The following SLC44A1 variants were observed in gnomAD, a reference collection of about 807,000 sequenced individuals.
The protein encoded by SLC44A1 is solute carrier family 44 member 1, also known as choline transporter-like protein 1.
In SLC44A1, 26 loss-of-function variants were observed where a neutral mutation model predicts 79.3. The ratio of observed to expected loss-of-function variants is 0.33; its 90% CI spans 0.24 to 0.46. The LOEUF (loss-of-function observed/expected upper bound fraction) is 0.46. Among genes scored for constraint, SLC44A1 ranks in the 20% least tolerant of loss-of-function variants. The pLI is 1.00. For missense variants in SLC44A1, 688 were observed against 798.1 expected (o/e 0.86, Z 1.66); for synonymous variants, 263 against 286.2 (o/e 0.92, Z 0.82).
At chr9:105,343,099 ATTC>A (rs1205314252) in intron 4 of SLC44A1, among the ~76,000 whole-genome samples, 1 of 152,088 alleles carries the variant, frequency 6.6e-6, no homozygotes, top group Non-Finnish European at 1.5e-5. Flanking sequence ...CGTTTCCATT[ATTC>A]TTATCAAAGT....
chr9:105,247,204 C>T (rs562635165), intron 1 of SLC44A1, among the ~76,000 whole-genome samples: 45 of 152,144 alleles, frequency 3.0e-4, no homozygotes, highest in African/African-American at 1.0e-3. Flanking sequence ...TTTTAGAATA[C>T]TGTTGTTCCT....
Position 105,385,590 on chromosome 9 carries a change from G to A in SLC44A1, c.1950+88G>A, listed in dbSNP as rs1828607658. ...TGTCTTCACTGACTGCACTTCTTCAGGAGAAGCTTTTGTTATCTGTATCAC... is the reference window on the plus strand; with the variant it reads ...TGTCTTCACTGACTGCACTTCTTCAAGAGAAGCTTTTGTTATCTGTATCAC... On this transcript the variant is annotated intron_variant, in intron 15 of 15. Coordinates refer to ENST00000374720, the MANE Select transcript of SLC44A1 (RefSeq NM_080546.5). 2.6e-6 allele frequency: 4 copies of A among 1,531,096 alleles called. No individual in the cohort carries two copies. In the Admixed American group the frequency reaches 6.3e-5, roughly 24 times the overall value. The allele number at this position is 1,531,096 out of a possible 1,614,324, so 94.8% of individuals were successfully genotyped here.
At chr9:105,354,439 G>C (rs920179497) in intron 5 of SLC44A1, among the ~76,000 whole-genome samples, 2 of 152,052 alleles carry the variant, frequency 1.3e-5, no homozygotes, top group African/African-American at 4.8e-5. Context: ...TGCATCATTA[G>C]TGAAGCACTT....
At chr9:105,278,352 C>T (rs1333546009) in intron 1 of SLC44A1, among the ~76,000 whole-genome samples, 1 of 152,080 alleles carries the variant, frequency 6.6e-6, no homozygotes, top group African/African-American at 2.4e-5. Context: ...GGGTTCACAC[C>T]ATTCTCCTGC....
At chr9:105,399,867 T>C (rs1053432133), downstream of SLC44A1, among the ~76,000 whole-genome samples, 1 of 152,170 alleles carries the variant, frequency 6.6e-6, no homozygotes, top group African/African-American at 2.4e-5. Context: ...AACTGGTTAA[T>C]TGAAAAACTG....
chr9:105,278,306 T>G (rs1238190676), intron 1 of SLC44A1, among the ~76,000 whole-genome samples: 1 of 152,160 alleles, frequency 6.6e-6, no homozygotes, highest in African/African-American at 2.4e-5. Context: ...TGGAGTGCAG[T>G]GGTGCGGTCT....
chr9:105,437,748 G>T (rs1260402127), intron 15 of SLC44A1, among the ~76,000 whole-genome samples: 3 of 152,098 alleles, frequency 2.0e-5, no homozygotes, highest in Admixed American at 1.3e-4. Flanking sequence ...GGAATTACAG[G>T]AGTGAAAAAT....
At chr9:105,258,586 C>T (rs896905784) in intron 1 of SLC44A1, among the ~76,000 whole-genome samples, 1 of 152,198 alleles carries the variant, frequency 6.6e-6, no homozygotes, top group African/African-American at 2.4e-5. Flanking sequence ...TTTCCCTCTG[C>T]TGTTCCAAGG....
intron 1 of SLC44A1, among the ~76,000 whole-genome samples, chr9:105,250,018 G>A (rs1488054387): frequency 1.3e-5 from 2 of 151,680 alleles, no homozygotes; most frequent in African/African-American, 2.4e-5. Flanking sequence ...ATAGGCACGA[G>A]CTCACGCCTG....
At chr9:105,264,477 T>G (rs961356031) in intron 1 of SLC44A1, among the ~76,000 whole-genome samples, 1 of 152,188 alleles carries the variant, frequency 6.6e-6, no homozygotes, top group Non-Finnish European at 1.5e-5. Flanking sequence ...TAATGTTTAG[T>G]CTTCATCTTA....
chr9:105,258,854 ATTTTTGTTTTTG>A (rs1022178071), intron 1 of SLC44A1, among the ~76,000 whole-genome samples: 4 of 150,322 alleles, frequency 2.7e-5, no homozygotes, highest in East Asian at 3.9e-4. Context: ...CACCTGGCTA[ATTTTTGTTTTTG>A]TTTTTGTTTT....
downstream of SLC44A1, among the ~76,000 whole-genome samples, chr9:105,399,538 A>G (rs1828929322): frequency 6.6e-6 from 1 of 152,244 alleles, no homozygotes; most frequent in South Asian, 2.1e-4. Flanking sequence ...AAAATTGAGA[A>G]AAGGAGATTA....
chr9:105,418,717 C>T (rs1394188691), intron 15 of SLC44A1, among the ~76,000 whole-genome samples: 1 of 152,328 alleles, frequency 6.6e-6, no homozygotes, highest in Non-Finnish European at 1.5e-5. Context: ...GGTTAAGCTG[C>T]CCCAGTTGCA....
rs1321125842 is a variant in SLC44A1 at position 105,374,651 on chromosome 9, G to A, written c.1548G>A (p.Lys516=). Residue 516 remains lysine (K), a synonymous_variant, in exon 13 of 16, where the codon AAG becomes AAA. Transcript: ENST00000374720. ...GCACCAACTTCTGCACCTCAGCAAAGGATGCCTTTGTCATTCTGGTGGAGA... is the reference window on the plus strand; with the variant it reads ...GCACCAACTTCTGCACCTCAGCAAAAGATGCCTTTGTCATTCTGGTGGAGA... ...INSTNFCTSA[K]DAFVILVENA... 2 of 1,613,886 alleles carry A rather than the reference G, an allele frequency of 1.2e-6. No homozygotes were observed. Among genetic ancestry groups the A allele is most frequent in the African/African-American group, 2.7e-5 (2 of 74,928 alleles).
chr9:105,351,632 G>GAAAGAAAGAAAGAAAGAA (rs768336417), intron 5 of SLC44A1, among the ~76,000 whole-genome samples: 4 of 101,392 alleles, frequency 3.9e-5, no homozygotes, highest in East Asian at 5.0e-4. Context: ...GAGAGAGAAA[G>GAAAGAAAGAAAGAAAGAA]AGAAAGAAAG....
chr9:105,282,548 A>ATT (rs1016510358), intron 1 of SLC44A1, among the ~76,000 whole-genome samples: 1 of 148,532 alleles, frequency 6.7e-6, no homozygotes, highest in African/African-American at 2.5e-5. Flanking sequence ...TTGGGTCTTG[A>ATT]TTTTTTTTTT....
chr9:105,295,766 G>A (rs547478772), intron 1 of SLC44A1, among the ~76,000 whole-genome samples: 1 of 152,248 alleles, frequency 6.6e-6, no homozygotes, highest in African/African-American at 2.4e-5. Context: ...GGGAGTGGGG[G>A]GGAGGGCGCC....
chr9:105,321,254 AAAGGTC>A (rs1826384567), intron 3 of SLC44A1, among the ~76,000 whole-genome samples: 1 of 152,160 alleles, frequency 6.6e-6, no homozygotes, highest in Non-Finnish European at 1.5e-5. Context: ...GGTGTGAAGA[AAAGGTC>A]AAGGTTTATC....
In SLC44A1 at chr9:105,406,129, T is replaced by C. The variant is rs1304325593; in HGVS notation, c.1950+20627T>C. Among the ~76,000 whole-genome samples, 3 of 152,074 alleles carry C rather than the reference T, an allele frequency of 2.0e-5. No homozygotes were observed. The East Asian group carries it at 5.8e-4, about 30-fold the overall frequency. On this transcript the variant is annotated intron_variant, in intron 15 of 15. Transcript: ENST00000374724. ...GTGCAAAGACTGGAAGGTGATCTCT[T>C]TTTTTTTGTGGCTCCAGGTATTTAA...
Sources: gnomAD v4.1 joint callset for allele counts (sites outside exome capture counted in the v4.1 genomes callset) on GRCh38, gnomAD v4.1.1 for gene constraint, MANE v1.5 for transcripts, NCBI Gene and HGNC (gene_info 2026-07-23, HGNC 2026-07-21) for gene names.